The following KAZN variants were observed in gnomAD, a reference collection of about 807,000 sequenced individuals.
The protein encoded by KAZN is kazrin, periplakin interacting protein, also known as kazrin.
A neutral mutation model predicts 87.4 loss-of-function variants in KAZN; 40 were observed. That is an observed-to-expected ratio of 0.46 (90% CI 0.36 to 0.60). KAZN has a LOEUF of 0.60. KAZN is among the 20% of genes least tolerant of loss of function. The pLI is 0.00. For missense variants in KAZN, 898 were observed against 1,073.9 expected, an observed-to-expected ratio of 0.84 and a Z score of 2.29; for synonymous variants, 466 against 458.3, an observed-to-expected ratio of 1.02 and a Z score of -0.22.
intron 2 of KAZN, among the ~76,000 whole-genome samples, chr1:14,538,702 G>A (rs551907548): frequency 5.9e-5 from 9 of 152,302 alleles, no homozygotes; most frequent in East Asian, 5.8e-4. Flanking sequence ...GCCCTGATGC[G>A]CCAAGCAGCT....
chr1:14,745,913 C>T (rs546600791), intron 1 of KAZN, among the ~76,000 whole-genome samples: 9 of 152,034 alleles, frequency 5.9e-5, no homozygotes, highest in African/African-American at 1.4e-4. Context: ...CTGTTCTGGG[C>T]GAACCGTTCT....
chr1:14,408,336 T>A (rs545579111), intron 2 of KAZN, among the ~76,000 whole-genome samples: 1 of 152,200 alleles, frequency 6.6e-6, no homozygotes, highest in Admixed American at 6.5e-5. Flanking sequence ...TTTGAGCATC[T>A]GTAGCTTTGG....
At chr1:14,053,715 G>A (rs141622998) in intron 1 of KAZN, among the ~76,000 whole-genome samples, 3 of 152,256 alleles carry the variant, frequency 2.0e-5, no homozygotes, top group African/African-American at 4.8e-5. Flanking sequence ...GTATACAGAC[G>A]AATACAGCTT....
chr1:14,260,167 G>A (rs1356492754), intron 2 of KAZN, among the ~76,000 whole-genome samples: 1 of 152,244 alleles, frequency 6.6e-6, no homozygotes, highest in Admixed American at 6.5e-5. Context: ...GAGGTCCTGT[G>A]ATATGCCAGG....
intron 1 of KAZN, among the ~76,000 whole-genome samples, chr1:14,907,193 C>T (rs1224387925): frequency 1.3e-5 from 2 of 151,566 alleles, no homozygotes; most frequent in Admixed American, 6.6e-5. Context: ...GTCAGGAGTT[C>T]GAGACCAGCC....
intron 1 of KAZN, among the ~76,000 whole-genome samples, chr1:13,907,880 A>AT (rs1639505339): frequency 6.6e-6 from 1 of 152,202 alleles, no homozygotes; most frequent in Admixed American, 6.5e-5. Context: ...GGGTGAGGTT[A>AT]TAAGACTGTG....
At chr1:14,021,926 A>G (rs986825300) in intron 1 of KAZN, among the ~76,000 whole-genome samples, 1 of 150,042 alleles carries the variant, frequency 6.7e-6, no homozygotes, top group Non-Finnish European at 1.5e-5. Context: ...ATATTCTCCA[A>G]GAGGAAATGG....
At chr1:14,159,764 G>A (rs1222214293) in intron 1 of KAZN, among the ~76,000 whole-genome samples, 2 of 152,228 alleles carry the variant, frequency 1.3e-5, no homozygotes, top group Non-Finnish European at 2.9e-5. Flanking sequence ...GGTCCTTGAT[G>A]TAGTACTTGA....
At chr1:14,191,957 G>T (rs1289401751) in intron 2 of KAZN, among the ~76,000 whole-genome samples, 1 of 152,146 alleles carries the variant, frequency 6.6e-6, no homozygotes, top group Non-Finnish European at 1.5e-5. Context: ...CACCATGGCT[G>T]TCTCATTGGC....
intron 2 of KAZN, among the ~76,000 whole-genome samples, chr1:14,550,088 G>A (rs1438094555): frequency 3.3e-5 from 5 of 152,184 alleles, no homozygotes; most frequent in Non-Finnish European, 7.3e-5. Context: ...CACCTGTTGT[G>A]GAGCACATCT....
intron 1 of KAZN, among the ~76,000 whole-genome samples, chr1:14,660,426 C>T (rs917928311): frequency 6.6e-5 from 10 of 152,044 alleles, no homozygotes; most frequent in Non-Finnish European, 1.5e-4. Flanking sequence ...AATGCTGATG[C>T]TGTCTTGATG....
intron 1 of KAZN, among the ~76,000 whole-genome samples, chr1:14,895,272 C>T (rs1655134396): frequency 6.6e-6 from 1 of 152,264 alleles, no homozygotes; most frequent in African/African-American, 2.4e-5. Flanking sequence ...CTCTCCCCTG[C>T]CGTGGCTTGC....
chr1:15,097,921 C>T (rs982146783), intron 10 of KAZN, among the ~76,000 whole-genome samples: 1 of 152,198 alleles, frequency 6.6e-6, no homozygotes, highest in African/African-American at 2.4e-5. Flanking sequence ...GTGTCCCATG[C>T]TGCCTTTGTG....
chr1:14,548,373 A>AT (rs1400608860), intron 2 of KAZN, among the ~76,000 whole-genome samples: 3 of 151,800 alleles, frequency 2.0e-5, no homozygotes, highest in African/African-American at 7.3e-5. Context: ...TAATTTTTAT[A>AT]TTTTTAGTAG....
intron 1 of KAZN, among the ~76,000 whole-genome samples, chr1:14,828,923 C>T (rs1646975826): frequency 1.3e-5 from 2 of 152,198 alleles, no homozygotes; most frequent in African/African-American, 2.4e-5. Context: ...ATTTGTACTG[C>T]TTTAATCAGG....
chr1:14,671,781 T>C (rs1009006267), intron 1 of KAZN, among the ~76,000 whole-genome samples: 3 of 152,254 alleles, frequency 2.0e-5, no homozygotes, highest in Non-Finnish European at 4.4e-5. Flanking sequence ...TTTAACCTCA[T>C]TTCCATCCAG....
At chr1:14,244,961 CTTGTTTT>C (rs1454724476) in intron 2 of KAZN, among the ~76,000 whole-genome samples, 1 of 151,808 alleles carries the variant, frequency 6.6e-6, no homozygotes, top group African/African-American at 2.4e-5. Flanking sequence ...GGGATTTTGT[CTTGTTTT>C]TTGTTTTTTG....
At chr1:14,108,200 CT>C (rs1644421866) in intron 1 of KAZN, among the ~76,000 whole-genome samples, 1 of 151,964 alleles carries the variant, frequency 6.6e-6, no homozygotes, top group South Asian at 2.1e-4. Flanking sequence ...TCTTATTCAC[CT>C]TCAGGTCTTT....
chr1:14,280,185 GC>G (rs926367230), intron 2 of KAZN, among the ~76,000 whole-genome samples: 3 of 151,486 alleles, frequency 2.0e-5, no homozygotes, highest in Admixed American at 6.6e-5. Flanking sequence ...ACACGGTGAA[GC>G]CCCATCTCTA....
Sources: allele counts gnomAD v4.1 joint callset (sites outside exome capture counted in the v4.1 genomes callset), GRCh38; gene constraint gnomAD v4.1.1; transcripts MANE v1.5; gene names NCBI Gene and HGNC (gene_info 2026-07-23, HGNC 2026-07-21).